POM121C: variants seen among roughly 807,000 people sequenced by gnomAD.
The protein encoded by POM121C is nuclear envelope pore membrane protein POM 121C.
In POM121C, 20 loss-of-function variants were observed where a neutral mutation model predicts 66.4. The ratio of observed to expected loss-of-function variants is 0.30; its 90% CI spans 0.21 to 0.44. POM121C has a LOEUF of 0.44. POM121C is among the 20% of genes least tolerant of loss of function. The pLI, the probability that POM121C is intolerant of heterozygous loss-of-function variation, is 1.00. For missense variants in POM121C, 580 were observed against 1,225.7 expected, an observed-to-expected ratio of 0.47 and a Z score of 7.87; for synonymous variants, 286 against 528.0, an observed-to-expected ratio of 0.54 and a Z score of 6.28.
intron 3 of POM121C, among the ~76,000 whole-genome samples, chr7:75,473,930 C>T (rs1200230625): frequency 3.3e-5 from 5 of 151,996 alleles, no homozygotes; most frequent in East Asian, 1.9e-4. Context: ...CCTTGTGATC[C>T]GCCCGCCTCG....
chr7:75,443,864 G>A (rs1312915806), intron 3 of POM121C, among the ~76,000 whole-genome samples: 5 of 28,922 alleles, frequency 1.7e-4, no homozygotes, highest in Non-Finnish European at 4.0e-4. Flanking sequence ...GCTTGAGTCC[G>A]GGAGGTGGAG....
Position 75,417,452 on chromosome 7 carries a change from ATTTTT to A in POM121C, c.*1339_*1343del. 1 of 960,996 alleles carries A rather than the reference ATTTTT, an allele frequency of 1.0e-6. No homozygotes were observed. 59.5% of individuals were successfully genotyped at this position (960,996 alleles called of 1,614,324 possible). ...AATTTTTGTTAAAAAACGTTTAAATATTTTTTTCTTTTAATTTAGACACACGCATT... is the reference window on the plus strand; with the variant it reads ...AATTTTTGTTAAAAAACGTTTAAATATTCTTTTAATTTAGACACACGCATT... On this transcript the variant is annotated 3_prime_UTR_variant, in exon 15 of 15. Coordinates refer to ENST00000615331, the MANE Select transcript of POM121C (RefSeq NM_001099415.3).
chr7:75,477,323 C>G (rs376944598), intron 1 of POM121C, among the ~76,000 whole-genome samples: 4 of 152,194 alleles, frequency 2.6e-5, no homozygotes, highest in East Asian at 1.9e-4. Context: ...TGGCTCACGC[C>G]TGTAATCCCA....
At chr7:75,421,402 G>A (rs1789701099) in intron 13 of POM121C, 107 bp downstream of exon 13, 1 of 1,549,360 alleles carries the variant, frequency 6.5e-7, no homozygotes, top group Admixed American at 2.0e-5. Flanking sequence ...TCTATATTCA[G>A]TGCCTGTCTC....
At chr7:75,484,662 C>CAAAAAAAA (rs10690558) in intron 1 of POM121C, among the ~76,000 whole-genome samples, 13 of 48,660 alleles carry the variant, frequency 2.7e-4, no homozygotes, top group Non-Finnish European at 4.3e-4. Context: ...GACACTGTCT[C>CAAAAAAAA]AAAAAAAAAA....
intron 1 of POM121C, among the ~76,000 whole-genome samples, chr7:75,476,076 T>C (rs1470397783): frequency 1.3e-5 from 2 of 152,300 alleles, no homozygotes; most frequent in African/African-American, 2.4e-5. Flanking sequence ...GCTCAGGAGT[T>C]CGAGACCAGG....
At chr7:75,479,818 CAATT>C (rs1434817605) in intron 1 of POM121C, among the ~76,000 whole-genome samples, 1 of 151,984 alleles carries the variant, frequency 6.6e-6, no homozygotes, top group Admixed American at 6.6e-5. Context: ...TAAACTATGA[CAATT>C]AAAGTTGCAT....
At chr7:75,421,078 ATTC>A (rs1813863766) in intron 13 of POM121C, 2 of 291,064 alleles carry the variant, frequency 6.9e-6, no homozygotes, top group South Asian at 6.3e-5. Context: ...GGGTTGAAAC[ATTC>A]TTCTGCCTCA....
In POM121C at chr7:75,481,048, AAT is replaced by A. The variant is rs1367716619; in HGVS notation, c.-458+4814_-458+4815del. On this transcript the variant is annotated intron_variant, in intron 1 of 14. Transcript: ENST00000615331. ...TTCAAAAAATATATATATATATATA[AAT>A]ATATATATATACACATACGTATATA... Among the ~76,000 whole-genome samples the A allele has an allele frequency of 5.2e-3, 662 of 128,004 alleles. 1 individual carries two copies. The highest frequency in any genetic ancestry group is 8.7e-3 in the Non-Finnish European group (521 of 59,898). The allele number at this position is 128,004 out of a possible 152,430, so 84.0% of individuals were successfully genotyped here. A position where few individuals can be genotyped will look rare whatever the true frequency, so the allele number is the denominator to read the frequency against.
chr7:75,434,943 G>A (rs1790346969), intron 7 of POM121C, among the ~76,000 whole-genome samples: 1 of 152,116 alleles, frequency 6.6e-6, no homozygotes, highest in African/African-American at 2.4e-5. Context: ...TGCTGGTGAG[G>A]CCAGGGAGAA....
intron 3 of POM121C, among the ~76,000 whole-genome samples, chr7:75,465,972 C>T (rs1791631156): frequency 7.2e-6 from 1 of 139,794 alleles, no homozygotes; most frequent in Non-Finnish European, 1.5e-5. Context: ...ATATAAAAAC[C>T]TGTCAGCTGG....
intron 3 of POM121C, among the ~76,000 whole-genome samples, chr7:75,466,936 T>C (rs1791674412): frequency 6.6e-6 from 1 of 152,204 alleles, no homozygotes; most frequent in African/African-American, 2.4e-5. Context: ...TCACTCAAAA[T>C]GACAGTCAAT....
intron 7 of POM121C, among the ~76,000 whole-genome samples, chr7:75,435,102 G>A (rs1430781094): frequency 1.3e-5 from 2 of 152,104 alleles, no homozygotes; most frequent in Non-Finnish European, 2.9e-5. Context: ...AACTGCCAAG[G>A]GTGAAAGGAC....
At chr7:75,428,155 T>C (rs1284502537) in intron 7 of POM121C, among the ~76,000 whole-genome samples, 1 of 152,146 alleles carries the variant, frequency 6.6e-6, no homozygotes, top group East Asian at 1.9e-4. Context: ...CTTTTTTTTT[T>C]TTTGAGACGG....
rs587640942 is a variant in POM121C at position 75,462,609 on chromosome 7, G to A, written c.-152+12095C>T. Reference sequence around the variant, plus strand: ...CAGCAGAGCAGACCTTATTCTCAAAGCATTTTGTTTTCCCGTTCTCAGCTG... The same window carrying A: ...CAGCAGAGCAGACCTTATTCTCAAAACATTTTGTTTTCCCGTTCTCAGCTG... On this transcript the variant is annotated intron_variant, in intron 3 of 14. Coordinates refer to ENST00000615331, the MANE Select transcript of POM121C (RefSeq NM_001099415.3). Among the ~76,000 whole-genome samples, 47 of 152,202 alleles carry A rather than the reference G, an allele frequency of 3.1e-4. 1 individual carries two copies. The highest frequency in any genetic ancestry group is 1.1e-3 in the African/African-American group (46 of 41,458).
rs587756562 is a variant in POM121C at position 75,421,796 on chromosome 7, C to T, written c.2456G>A (p.Ser819Asn). 6 of 1,608,376 alleles carry T rather than the reference C, an allele frequency of 3.7e-6. 1 individual carries two copies. The Admixed American group carries it at 5.0e-5, about 13-fold the overall frequency. ...AAACACCGAGCTGCTGCTCCCGCTG[C>T]TGGCGGTCTGGGTGGTGGCTCCAAA... ...SGFGATTQTA[S>N]SGSSSSVFGS... Residue 819 changes from serine (S) to asparagine (N), a missense_variant, in exon 13 of 15, where the codon AGC becomes AAC. Transcript: ENST00000615331.
At chr7:75,429,800 C>G (rs1372040261) in intron 7 of POM121C, among the ~76,000 whole-genome samples, 1 of 151,982 alleles carries the variant, frequency 6.6e-6, no homozygotes, top group African/African-American at 2.4e-5. Context: ...ACTGCTTGAG[C>G]TCAAAAGTTT....
chr7:75,485,516 G>GGA (rs1189714228), intron 1 of POM121C, among the ~76,000 whole-genome samples: 4 of 152,160 alleles, frequency 2.6e-5, no homozygotes, highest in African/African-American at 4.8e-5. Flanking sequence ...CTAAGGGGGG[G>GGA]GATCAGCAGA....
At chr7:75,470,113 G>A (rs587754948) in intron 3 of POM121C, among the ~76,000 whole-genome samples, 99 of 150,778 alleles carry the variant, frequency 6.6e-4, no homozygotes, top group African/African-American at 2.0e-3. Context: ...ACGGGGTTTC[G>A]CCATGTTACC....
Sources: gnomAD v4.1 joint callset for allele counts (sites outside exome capture counted in the v4.1 genomes callset) on GRCh38, gnomAD v4.1.1 for gene constraint, MANE v1.5 for transcripts, NCBI Gene and HGNC (gene_info 2026-07-23, HGNC 2026-07-21) for gene names.